The following VCP variants were observed in gnomAD, a reference collection of about 807,000 sequenced individuals.
VCP encodes valosin containing protein, also known as transitional endoplasmic reticulum ATPase.
A neutral mutation model predicts 85.7 loss-of-function variants in VCP; 6 were observed. That is an observed-to-expected ratio of 0.07 (90% CI 0.04 to 0.14). VCP has a LOEUF of 0.14. Among genes scored for constraint, VCP ranks in the 10% least tolerant of loss-of-function variants. VCP has a pLI of 1.00. For synonymous variants in VCP, 384 were observed against 367.1 expected, an observed-to-expected ratio of 1.05 and a Z score of -0.53; for missense variants, 353 against 1,043.4, an observed-to-expected ratio of 0.34 and a Z score of 9.12.
At chr9:35,061,935 G>C in intron 9 of VCP, 68 bp downstream of exon 9, 2 of 1,612,708 alleles carry the variant, frequency 1.2e-6, no homozygotes, top group South Asian at 2.2e-5. Flanking sequence ...AGAGGATTAG[G>C]TGACTTAGAT....
In VCP at chr9:35,065,290, G is replaced by A. The variant is rs1347132263; in HGVS notation, c.537C>T (p.Asp179=). 6.2e-7 allele frequency: 1 copy of A among 1,614,190 alleles called. No individual in the cohort carries two copies. Among genetic ancestry groups the A allele is most frequent in the South Asian group, 1.1e-5 (1 of 91,086 alleles). ...GCTCCCCTTCGCAGTGGATCACTGTGTCTGGAGCAACAATGCAATAAGGGC... is the reference window on the plus strand; with the variant it reads ...GCTCCCCTTCGCAGTGGATCACTGTATCTGGAGCAACAATGCAATAAGGGC... ...DPSPYCIVAP[D]TVIHCEGEPI... Residue 179 remains aspartate, a synonymous_variant, in exon 5 of 17, where the codon GAC becomes GAT. Coordinates refer to ENST00000358901, the MANE Select transcript of VCP (RefSeq NM_007126.5).
chr9:35,067,975 G>C lies in VCP; in HGVS notation c.218C>G (p.Ser73Cys). 2 of 1,614,230 alleles carry C rather than the reference G, an allele frequency of 1.2e-6. No individual in the cohort carries two copies. Among genetic ancestry groups the C allele is most frequent in the Non-Finnish European group, 1.7e-6 (2 of 1,180,044 alleles). ...KRREAVCIVL[S>C]DDTCSDEKIR... ...CTTCTCATCAGAACAAGTATCATCA[G>C]AAAGGACGATGCAAACAGCTTCTCG... is the stretch of plus-strand genomic sequence containing the variant. Residue 73 changes from serine (S) to cysteine (C), a missense_variant, in exon 3 of 17, where the codon TCT becomes TGT. Physicochemically the swap from Ser to Cys is moderately radical, Grantham distance 112. This residue lies in a region of VCP where 69 missense variants were observed against 132.9 expected (regional missense o/e 0.52). Coordinates refer to ENST00000358901, the MANE Select transcript of VCP (RefSeq NM_007126.5).
Position 35,065,235 on chromosome 9 carries a change from CAG to C in VCP, c.576+14_576+15del, listed in dbSNP as rs756986992. The C allele has an allele frequency of 1.9e-5, 30 of 1,614,074 alleles. No individual in the cohort carries two copies. The South Asian group carries it at 3.2e-4, about 17-fold the overall frequency. Reference sequence around the variant, plus strand: ...TAATCATAAAATCGGATACTGGAATCAGGGAGAAAACTCACCTCTCGTTTGAT... The same window carrying C: ...TAATCATAAAATCGGATACTGGAATCGGAGAAAACTCACCTCTCGTTTGAT... On this transcript the variant is annotated intron_variant, in intron 5 of 16. Coordinates refer to ENST00000358901, the MANE Select transcript of VCP (RefSeq NM_007126.5).
rs772844322 is a variant in VCP, at chr9:35,065,400, C to A, written c.446-19G>T. The A allele has an allele frequency of 6.2e-7, 1 of 1,614,018 alleles. No individual in the cohort carries two copies. The highest frequency in any genetic ancestry group is 1.1e-5 in the South Asian group (1 of 91,074). ...ATGTCTCCTGCGAGAGCAAACAGTA[C>A]AAGCACAGTTAGAGGTGTCAACTAC... On this transcript the variant is annotated intron_variant, in intron 4 of 16. Transcript: ENST00000358901.
chr9:35,058,721 C>T (rs974998710), intron 15 of VCP, among the ~76,000 whole-genome samples: 1 of 152,062 alleles, frequency 6.6e-6, no homozygotes, highest in Non-Finnish European at 1.5e-5. Flanking sequence ...GAGCCAAGAT[C>T]GTGCCACTGC....
intron 3 of VCP, among the ~76,000 whole-genome samples, chr9:35,067,387 C>T (rs1828854466): frequency 6.6e-6 from 1 of 152,132 alleles, no homozygotes; most frequent in African/African-American, 2.4e-5. Flanking sequence ...AGCAAAATCA[C>T]TCACATTGAG....
At chr9:35,072,004 G>A (rs739844) in intron 1 of VCP, 2 of 1,120,316 alleles carry the variant, frequency 1.8e-6, no homozygotes, top group African/African-American at 3.3e-5. Context: ...GGGGCGCCGC[G>A]CCGGCGGAGT....
intron 1 of VCP, chr9:35,072,081 G>A (rs1587135193): frequency 7.7e-7 from 1 of 1,305,930 alleles, no homozygotes; most frequent in Non-Finnish European, 9.7e-7. Flanking sequence ...GCCGGGGCCT[G>A]CATGACACAG....
At chr9:35,061,898 T>TG (rs1288974915) in intron 9 of VCP, 105 bp downstream of exon 9, 2 of 1,593,562 alleles carry the variant, frequency 1.3e-6, no homozygotes, top group Non-Finnish European at 1.7e-6. Context: ...AAAAGACCCC[T>TG]GGACCCAATC....
chr9:35,066,654 A>G lies in VCP; in HGVS notation c.445+21T>C, dbSNP rs1246221579. On this transcript the variant is annotated intron_variant, in intron 4 of 16. Transcript: ENST00000358901. The stretch of plus-strand genomic sequence containing the variant: ...TTATTCCCTACAGTCAATAATCCTT[A>G]AGCTCAGAATTAGCTCTCACCTTTC... The G allele has an allele frequency of 1.9e-6, 3 of 1,613,852 alleles. No homozygotes were observed. In the South Asian group the frequency reaches 3.3e-5, roughly 18 times the overall value.
At position 35,058,767 on chromosome 9, in the gene VCP, A is replaced by C. The variant is rs12553165; in HGVS notation, c.2160+297T>G. Among the ~76,000 whole-genome samples, 455 of 149,226 alleles carry C rather than the reference A, an allele frequency of 3.0e-3. No homozygotes were observed. The highest frequency in any genetic ancestry group is 6.8e-3 in the Middle Eastern group (2 of 292). ...GGGCAACAGAGTGAGACTTCGTCTC[A>C]AAAAAAAAACAAAAAACAAAAAACA... On this transcript the variant is annotated intron_variant, in intron 15 of 16. Coordinates refer to ENST00000358901, the MANE Select transcript of VCP (RefSeq NM_007126.5).
intron 1 of VCP, chr9:35,072,134 C>A: frequency 7.2e-7 from 1 of 1,384,330 alleles, no homozygotes; most frequent in East Asian, 3.2e-5. Flanking sequence ...ACGCAAGCCC[C>A]GCCTAGGGGG....
intron 2 of VCP, 53 bp from the exon 3 acceptor site, chr9:35,068,116 A>C: frequency 2.5e-6 from 4 of 1,612,432 alleles, no homozygotes; most frequent in Middle Eastern, 1.7e-4. Context: ...GGGAGTAAGC[A>C]GCAGCCCTGG....
chr9:35,072,099 C>T (rs945826152), intron 1 of VCP: 4 of 1,338,020 alleles, frequency 3.0e-6, no homozygotes, highest in South Asian at 1.7e-5. Context: ...CAGCACGATC[C>T]GGCCCAGGCT....
chr9:35,065,493 T>A, intron 4 of VCP, 112 bp from the exon 5 acceptor site: 1 of 1,436,252 alleles, frequency 7.0e-7, no homozygotes, highest in South Asian at 1.2e-5. Flanking sequence ...TGCCCTTCAT[T>A]AGATATTGCC....
chr9:35,057,295 A>T, intron 16 of VCP, 73 bp from the exon 17 acceptor site: 1 of 1,613,780 alleles, frequency 6.2e-7, no homozygotes, highest in Non-Finnish European at 8.5e-7. Context: ...CTACCCCTCT[A>T]GCTTCCTTAG....
chr9:35,066,004 T>C (rs949314222), intron 4 of VCP, among the ~76,000 whole-genome samples: 3 of 151,940 alleles, frequency 2.0e-5, no homozygotes, highest in African/African-American at 7.3e-5. Flanking sequence ...CAGACGCCTG[T>C]AATCCCAGCT....
chr9:35,058,766 CAAAAAA>C (rs1360738928), intron 15 of VCP, among the ~76,000 whole-genome samples: 80 of 145,016 alleles, frequency 5.5e-4, no homozygotes, highest in African/African-American at 1.7e-3. Context: ...GACTTCGTCT[CAAAAAA>C]AAAACAAAAA....
chr9:35,062,211 T>C lies in VCP; in HGVS notation c.945+6A>G. Reference sequence around the variant, plus strand: ...CCCCCCTCTATCCCCTCAGGTAAGCTCCTACTTTCTCTCTTTTGGGAGCGA... The same window carrying C: ...CCCCCCTCTATCCCCTCAGGTAAGCCCCTACTTTCTCTCTTTTGGGAGCGA... On this transcript the variant is annotated splice_donor_region_variant and intron_variant, in intron 8 of 16. Transcript: ENST00000358901. The C allele has an allele frequency of 1.9e-6, 3 of 1,614,038 alleles. No homozygotes were observed. The highest frequency in any genetic ancestry group is 2.5e-6 in the Non-Finnish European group (3 of 1,180,004).
Sources: allele counts gnomAD v4.1 joint callset (sites outside exome capture counted in the v4.1 genomes callset), GRCh38; gene constraint gnomAD v4.1.1; regional missense constraint gnomAD v4.1.1; transcripts MANE v1.5; gene names NCBI Gene and HGNC (gene_info 2026-07-23, HGNC 2026-07-21).